THAP4: variants seen among roughly 807,000 people sequenced by gnomAD.
THAP4 encodes peroxynitrite isomerase THAP4.
In THAP4, 18 loss-of-function variants were observed where a neutral mutation model predicts 48.1. The ratio of observed to expected loss-of-function variants is 0.37; its 90% confidence interval spans 0.26 to 0.56. The LOEUF (loss-of-function observed/expected upper bound fraction) is 0.56. Ranked by LOEUF, THAP4 falls within the 20% of genes least tolerant of loss-of-function variation. The pLI, the probability that THAP4 is intolerant of heterozygous loss-of-function variation, is 0.78. For missense variants in THAP4, 656 were observed against 774.9 expected, an observed-to-expected ratio of 0.85 and a Z score of 1.82; for synonymous variants, 345 against 324.9, an observed-to-expected ratio of 1.06 and a Z score of -0.66.
At chr2:241,634,573 T>C (rs2067613589) in intron 1 of THAP4, among the ~76,000 whole-genome samples, 1 of 152,216 alleles carries the variant, frequency 6.6e-6, no homozygotes, top group African/African-American at 2.4e-5. Context: ...CAGCTGAGAA[T>C]CTGGAGACCT....
At chr2:241,624,012 G>A (rs915903187) in intron 2 of THAP4, among the ~76,000 whole-genome samples, 5 of 152,192 alleles carry the variant, frequency 3.3e-5, no homozygotes, top group African/African-American at 1.2e-4. Context: ...CCACAAGACT[G>A]CCCCCATCTG....
chr2:241,589,700 A>AG (rs1441139806), intron 5 of THAP4, among the ~76,000 whole-genome samples: 2 of 151,824 alleles, frequency 1.3e-5, no homozygotes, highest in Admixed American at 1.3e-4. Context: ...AAGAGGAAAA[A>AG]AAACATGTGT....
intron 5 of THAP4, among the ~76,000 whole-genome samples, chr2:241,589,326 A>T (rs539292129): frequency 1.3e-5 from 2 of 151,980 alleles, no homozygotes; most frequent in Non-Finnish European, 1.5e-5. Context: ...GGATAGGAAT[A>T]TCGTGTTGGC....
intron 3 of THAP4, among the ~76,000 whole-genome samples, chr2:241,605,394 A>G (rs1366256859): frequency 6.6e-6 from 1 of 152,152 alleles, no homozygotes; most frequent in Non-Finnish European, 1.5e-5. Context: ...TTTGCTTTTT[A>G]TATTTTGTTT....
chr2:241,606,290 G>T, intron 3 of THAP4, 24 bp downstream of exon 3: 1 of 1,538,676 alleles, frequency 6.5e-7, no homozygotes, highest in Non-Finnish European at 8.8e-7. Flanking sequence ...GTCAAGCAGG[G>T]TGGGGTGGAG....
rs1388960083 is a variant in THAP4 at position 241,636,955 on chromosome 2, G to A, written c.63C>T (p.Ala21=). The change falls in exon 1 of 6, where the codon GCC becomes GCT. Residue 21 remains alanine (A), a synonymous_variant. Transcript: ENST00000407315. The part of the protein sequence containing the change: ...SNRQGKGEKR[A]VSFHRFPLKD... Reference sequence around the variant, plus strand: ...GGCCCGCGTACCTGTGGAAGGAGACGGCGCGCTTCTCGCCCTTTCCCTGCC... The same window carrying A: ...GGCCCGCGTACCTGTGGAAGGAGACAGCGCGCTTCTCGCCCTTTCCCTGCC... The A allele has an allele frequency of 3.1e-6, 4 of 1,303,606 alleles. No homozygotes were observed. The highest frequency in any genetic ancestry group is 2.5e-4 in the Middle Eastern group (1 of 4,076). The allele number at this position is 1,303,606 out of a possible 1,614,324, so 80.8% of individuals were successfully genotyped here.
chr2:241,590,244 T>G (rs71430346), intron 5 of THAP4, among the ~76,000 whole-genome samples: 18 of 72,402 alleles, frequency 2.5e-4, no homozygotes, highest in South Asian at 4.4e-4. Context: ...ACTAGGACAC[T>G]CAGAGCTGCT....
In THAP4 at chr2:241,601,830, G is replaced by C; in HGVS notation, c.1614+66C>G. The C allele has an allele frequency of 6.3e-7, 1 of 1,599,896 alleles. No homozygotes were observed. Among genetic ancestry groups the C allele is most frequent in the Non-Finnish European group, 8.5e-7 (1 of 1,173,440 alleles). Reference sequence around the variant, plus strand: ...CACGCACTACCTCACGGAAGAGGAAGAGGCTGACTCCACAGACCGCTGCAA... The same window carrying C: ...CACGCACTACCTCACGGAAGAGGAACAGGCTGACTCCACAGACCGCTGCAA... On this transcript the variant is annotated intron_variant, in intron 5 of 5. Transcript: ENST00000407315. The surrounding 1 kb of genome is among the most constrained non-coding windows in gnomAD (Gnocchi z 4.0).
chr2:241,617,288 T>C (rs1037443970), intron 2 of THAP4: 27 of 735,508 alleles, frequency 3.7e-5, no homozygotes, highest in Non-Finnish European at 6.0e-5. Context: ...TTCTAGGCAT[T>C]TCTTTTCTGA....
chr2:241,612,091 G>A lies in THAP4; in HGVS notation c.1241-5618C>T, dbSNP rs1181366534. On this transcript the variant is annotated intron_variant, in intron 2 of 5. Coordinates refer to ENST00000407315, the MANE Select transcript of THAP4 (RefSeq NM_015963.6). This position sits in a 1 kb window ranked among gnomAD's most constrained non-coding sequence, Gnocchi z 4.1. Reference sequence around the variant, plus strand: ...TAACTAAACATGTAAGAACTCAGGAGAGAAACGGCAAGGAAAGAGGAGAAG... The same window carrying A: ...TAACTAAACATGTAAGAACTCAGGAAAGAAACGGCAAGGAAAGAGGAGAAG... Among the ~76,000 whole-genome samples, 1 of 152,072 alleles carries A rather than the reference G, an allele frequency of 6.6e-6. No individual in the cohort carries two copies. The highest frequency in any genetic ancestry group is 2.4e-5 in the African/African-American group (1 of 41,380).
chr2:241,628,755 C>CA (rs1384340356), intron 2 of THAP4, among the ~76,000 whole-genome samples: 18 of 140,294 alleles, frequency 1.3e-4, no homozygotes, highest in East Asian at 4.3e-4. Context: ...AAACAAAAAA[C>CA]AAAAAAAACA....
Position 241,613,237 on chromosome 2 carries a change from C to T in THAP4, c.1241-6764G>A, listed in dbSNP as rs147530738. Among the ~76,000 whole-genome samples, 96 of 141,798 alleles carry T rather than the reference C, an allele frequency of 6.8e-4. 1 individual carries two copies. The highest frequency in any genetic ancestry group is 2.5e-3 in the African/African-American group (93 of 37,804). The allele number at this position is 141,798 out of a possible 152,430, so 93.0% of individuals were successfully genotyped here. ...ATCAGGAGACAATAGGGAAATGATG[C>T]GGAAAGAAACCTCCGTAAACACTGA... On this transcript the variant is annotated intron_variant, in intron 2 of 5. Coordinates refer to ENST00000407315, the MANE Select transcript of THAP4 (RefSeq NM_015963.6).
At chr2:241,622,541 G>A (rs1029439506) in intron 2 of THAP4, among the ~76,000 whole-genome samples, 1 of 151,984 alleles carries the variant, frequency 6.6e-6, no homozygotes. Context: ...AGAGAAGTAA[G>A]TGAAGGTAAA....
chr2:241,621,242 G>A (rs903063337), intron 2 of THAP4, among the ~76,000 whole-genome samples: 2 of 152,114 alleles, frequency 1.3e-5, no homozygotes, highest in African/African-American at 4.8e-5. Context: ...CATCTACTCG[G>A]GAGGCTGAGG....
At chr2:241,636,540 G>A (rs1163705654) in intron 1 of THAP4, among the ~76,000 whole-genome samples, 1 of 152,250 alleles carries the variant, frequency 6.6e-6, no homozygotes, top group Non-Finnish European at 1.5e-5. Context: ...GGGGCTGTCA[G>A]CTACGGAGGC....
chr2:241,589,227 A>AG (rs1238246708), intron 5 of THAP4, among the ~76,000 whole-genome samples: 3 of 151,428 alleles, frequency 2.0e-5, no homozygotes, highest in Non-Finnish European at 4.4e-5. Flanking sequence ...AAAAAAAAGA[A>AG]AAAGAAAAGA....
chr2:241,607,059 G>T (rs956494310), intron 2 of THAP4, among the ~76,000 whole-genome samples: 1 of 152,152 alleles, frequency 6.6e-6, no homozygotes, highest in African/African-American at 2.4e-5. Flanking sequence ...GTTTAAAAGG[G>T]AAGTAAGACC....
intron 2 of THAP4, among the ~76,000 whole-genome samples, chr2:241,617,087 C>T (rs1275524327): frequency 6.6e-6 from 1 of 152,144 alleles, no homozygotes; most frequent in African/African-American, 2.4e-5. Context: ...TTTTAGAATC[C>T]AAACATCAGG....
chr2:241,635,237 GTCATACCATTGCAC>G (rs1043487320), intron 1 of THAP4, among the ~76,000 whole-genome samples: 1 of 152,112 alleles, frequency 6.6e-6, no homozygotes, highest in African/African-American at 2.4e-5. Context: ...GTGAGCTACG[GTCATACCATTGCAC>G]TCCAGCCTGG....
Sources: gnomAD v4.1 joint callset for allele counts (sites outside exome capture counted in the v4.1 genomes callset) on GRCh38, gnomAD v4.1.1 for gene constraint, Gnocchi (gnomAD v3.1) non-coding constraint, MANE v1.5 for transcripts, NCBI Gene and HGNC (gene_info 2026-07-23, HGNC 2026-07-21) for gene names.